The following TTN variants were observed in gnomAD, a reference collection of about 807,000 sequenced individuals.
TTN encodes connectin.
A neutral mutation model predicts 3,223.0 loss-of-function variants in TTN; 1,525 were observed. That is an observed-to-expected ratio of 0.47 (90% CI 0.45 to 0.49). The LOEUF is 0.49. Among genes scored for constraint, TTN ranks in the 20% least tolerant of loss-of-function variants. The probability of loss-of-function intolerance (pLI) is 0.00; values close to 1 mark genes in which losing one functional copy is unlikely to be tolerated. For synonymous variants in TTN, 14,094 were observed against 15,161.0 expected (o/e 0.93, Z 5.17); for missense variants, 40,786 against 43,424.0 (o/e 0.94, Z 5.40).
intron 361 of TTN, 82 bp from the exon 362 acceptor site, chr2:178,527,830 A>G: frequency 7.6e-7 from 1 of 1,311,626 alleles, no homozygotes; most frequent in Non-Finnish European, 1.0e-6. Flanking sequence ...ACAGAAATGG[A>G]AACTTCAACA....
chr2:178,632,763 T>G lies in TTN; in HGVS notation c.43243A>C (p.Ser14415Arg), dbSNP rs770940545. The change falls in exon 235 of 363, where the codon AGT (serine) becomes CGT (arginine). Residue 14415 changes from serine (S) to arginine (R), a missense_variant. By Grantham distance (110) the Ser-to-Arg change is moderately radical. Coordinates refer to ENST00000589042, the MANE Select transcript of TTN (RefSeq NM_001267550.2). ...TCTTTCTCGAAGACTTTAACATCACTGAGAGGTGTGATGAAGATAAGAGGC... is the reference window on the plus strand; with the variant it reads ...TCTTTCTCGAAGACTTTAACATCACGGAGAGGTGTGATGAAGATAAGAGGC... ...ELPLIFITPL[S>R]DVKVFEKDEA... 1 of 1,613,032 alleles carries G rather than the reference T, an allele frequency of 6.2e-7. No homozygotes were observed. The highest frequency in any genetic ancestry group is 8.5e-7 in the Non-Finnish European group (1 of 1,179,502).
chr2:178,550,983 C>T lies in TTN; in HGVS notation c.91548G>A (p.Met30516Ile). ...AATGCTTACCATTTTCATCTCTTGT[C>T]ATAATAATGCCAGAAGACTGTGAGG... ...SPPSQSSGII[M>I]TRDENVPPIV... The change falls in exon 336 of 363, where the codon ATG (methionine) becomes ATA (isoleucine). Residue 30516 changes from methionine (M) to isoleucine (I), a missense_variant. Physicochemically the swap from Met to Ile is conservative, Grantham distance 10. Transcript: ENST00000589042. The T allele has an allele frequency of 6.2e-7, 1 of 1,612,852 alleles. No individual in the cohort carries two copies. Among genetic ancestry groups the T allele is most frequent in the East Asian group, 2.2e-5 (1 of 44,760 alleles).
At chr2:178,705,396 T>A (rs1412167238) in intron 102 of TTN, 39 bp from the exon 103 acceptor site, 1 of 1,401,888 alleles carries the variant, frequency 7.1e-7, no homozygotes, top group East Asian at 2.5e-5. Context: ...AACACCTGTC[T>A]TCTACTTATT....
In TTN at chr2:178,594,096, T is replaced by C; in HGVS notation, c.58297A>G (p.Thr19433Ala). 3 of 1,613,402 alleles carry C rather than the reference T, an allele frequency of 1.9e-6. No homozygotes were observed. The highest frequency in any genetic ancestry group is 2.5e-6 in the Non-Finnish European group (3 of 1,179,614). ...DEADVLEDDR[T>A]HIKTTPATLA... ...GTTGCTGGTGTAGTCTTTATATGAG[T>C]GCGATCATCTTCCAGCACATCAGCT... Residue 19433 changes from threonine (T) to alanine (A), a missense_variant, in exon 297 of 363, where the codon ACT (threonine) becomes GCT (alanine). Coordinates refer to ENST00000589042, the MANE Select transcript of TTN (RefSeq NM_001267550.2).
chr2:178,776,880 T>G lies in TTN; in HGVS notation c.4984A>C (p.Ile1662Leu). The G allele has an allele frequency of 6.2e-7, 1 of 1,612,846 alleles. No individual in the cohort carries two copies. ...TTTGCTCTATATGTCCCCCGTGGGA[T>G]GATTAACTTTCTCTCTGGCTCAGGC... ...AEPEPERKLI[I>L]PRGTYRAKEI... The change falls in exon 28 of 363, where the codon ATC becomes CTC. Residue 1662 changes from isoleucine (I) to leucine (L), a missense_variant. By Grantham distance (5) the Ile-to-Leu change is conservative. Transcript: ENST00000589042.
chr2:178,719,938 G>A, intron 81 of TTN, 45 bp downstream of exon 81: 1 of 1,547,776 alleles, frequency 6.5e-7, no homozygotes, highest in Non-Finnish European at 8.7e-7. Context: ...AATGATCATG[G>A]ATCAAGTAAA....
chr2:178,799,545 T>C lies in TTN; in HGVS notation c.856A>G (p.Ile286Val). 1 of 1,614,142 alleles carries C rather than the reference T, an allele frequency of 6.2e-7. No homozygotes were observed. Among genetic ancestry groups the C allele is most frequent in the African/African-American group, 1.3e-5 (1 of 75,046 alleles). The change falls in exon 6 of 363, where the codon ATA (isoleucine) becomes GTA (valine). Residue 286 changes from isoleucine to valine, a missense_variant. Ile to Val is a conservative substitution (Grantham distance 29, BLOSUM62 3). Transcript: ENST00000589042. The part of the protein sequence containing the change: ...QLARQQSPSP[I>V]RHSPSPVRHV... ...CTGACCGGGGAAGGGGAGTGTCTTATGGGCGATGGGGACTGCTGCCGAGCC... is the reference window on the plus strand; with the variant it reads ...CTGACCGGGGAAGGGGAGTGTCTTACGGGCGATGGGGACTGCTGCCGAGCC...
chr2:178,567,407 A>G lies in TTN; in HGVS notation c.78725T>C (p.Ile26242Thr). The G allele has an allele frequency of 6.2e-7, 1 of 1,603,334 alleles. No individual in the cohort carries two copies. The highest frequency in any genetic ancestry group is 8.5e-7 in the Non-Finnish European group (1 of 1,175,580). Residue 26242 changes from isoleucine to threonine, a missense_variant, in exon 326 of 363, where the codon ATA becomes ACA. Transcript: ENST00000589042. ...TAAAGCCTTGAAATCTGTGTTCTTT[A>G]TTTCACATCTAGCAGATTCTTCAAT... The part of the protein sequence containing the change: ...KEIEESARCE[I>T]KNTDFKALLI...
chr2:178,589,988 G>A lies in TTN; in HGVS notation c.61737C>T (p.Thr20579=), dbSNP rs758258340. The A allele has an allele frequency of 6.2e-7, 1 of 1,613,118 alleles. No homozygotes were observed. Among genetic ancestry groups the A allele is most frequent in the South Asian group, 1.1e-5 (1 of 91,060 alleles). ...RPGPCQNLKV[T]NVTKENCTIS... ...TTGTACAGTTCTCTTTGGTTACATTGGTAACCTTCAAATTCTGGCAAGGCC... is the reference window on the plus strand; with the variant it reads ...TTGTACAGTTCTCTTTGGTTACATTAGTAACCTTCAAATTCTGGCAAGGCC... Residue 20579 remains threonine (T), a synonymous_variant, in exon 304 of 363, where the codon ACC becomes ACT. Coordinates refer to ENST00000589042, the MANE Select transcript of TTN (RefSeq NM_001267550.2).
chr2:178,749,617 A>G, intron 47 of TTN: 1 of 1,611,958 alleles, frequency 6.2e-7, no homozygotes, highest in Non-Finnish European at 8.5e-7. Context: ...TTTCACCAAT[A>G]TTTTCGAATT....
chr2:178,787,037 CA>C (rs2093234017), intron 13 of TTN, among the ~76,000 whole-genome samples: 1 of 152,052 alleles, frequency 6.6e-6, no homozygotes. Flanking sequence ...CAGCATACCT[CA>C]AAAATCACAT....
In TTN at chr2:178,545,683, T is replaced by C. The variant is rs1195188657; in HGVS notation, c.95427A>G (p.Ser31809=). ...IVARNSFTIP[S]PPGIPEEVGT... ...CAACTTCTTCAGGTATGCCGGGTGG[T>C]GATGGAATAGCTGTTTATGAAAATA... Residue 31809 remains serine (S), a synonymous_variant, in exon 344 of 363, where the codon TCA becomes TCG. Coordinates refer to ENST00000589042, the MANE Select transcript of TTN (RefSeq NM_001267550.2). 6.2e-7 allele frequency: 1 copy of C among 1,612,670 alleles called. No homozygotes were observed. The highest frequency in any genetic ancestry group is 8.5e-7 in the Non-Finnish European group (1 of 1,178,988).
In TTN at chr2:178,782,937, TG is replaced by T. The variant is rs2092907170; in HGVS notation, c.2968del (p.Gln990ArgfsTer2). ...AGCAATTCCACTCTGGAAGGTTATC[TG>T]GAAGTCAATGGAACTTTCGATTTGG... ...DYQIESSIDF[Q>X]ITFQSGIARL... On this transcript the variant is annotated frameshift_variant, in exon 18 of 363. Coordinates refer to ENST00000589042, the MANE Select transcript of TTN (RefSeq NM_001267550.2). LOFTEE classifies it high-confidence loss of function. 1 of 1,614,072 alleles carries T rather than the reference TG, an allele frequency of 6.2e-7. No individual in the cohort carries two copies. The highest frequency in any genetic ancestry group is 1.3e-5 in the African/African-American group (1 of 74,938).
At chr2:178,751,346 C>T (rs149590569) in intron 47 of TTN, 4 of 1,606,374 alleles carry the variant, frequency 2.5e-6, no homozygotes, top group African/African-American at 1.3e-5. Context: ...ATTAAGCCAA[C>T]CTCTTATGTC....
At chr2:178,610,878 T>G in intron 270 of TTN, 115 bp downstream of exon 270, 3 of 1,275,106 alleles carry the variant, frequency 2.4e-6, no homozygotes, top group Non-Finnish European at 3.3e-6. Context: ...AGAAGTGACA[T>G]TTAGTTTACA....
At position 178,629,394 on chromosome 2, in the gene TTN, T is replaced by C. The variant is rs1316025017; in HGVS notation, c.44331A>G (p.Ala14777=). ...CGCAGTCGAAGGTGGCTGTTTCCCC[T>C]GCAGTCACGGTGACATCCTTTAAAG... ...LRPLKDVTVT[A]GETATFDCEL... The change falls in exon 240 of 363, where the codon GCA becomes GCG. Residue 14777 remains alanine (A), a synonymous_variant. Coordinates refer to ENST00000589042, the MANE Select transcript of TTN (RefSeq NM_001267550.2). 1.2e-6 allele frequency: 2 copies of C among 1,613,056 alleles called. No individual in the cohort carries two copies. The highest frequency in any genetic ancestry group is 3.3e-5 in the Admixed American group (2 of 59,988).
chr2:178,612,926 C>T lies in TTN; in HGVS notation c.49795G>A (p.Val16599Ile), dbSNP rs1553699620. 2.5e-6 allele frequency: 4 copies of T among 1,612,722 alleles called. No individual in the cohort carries two copies. The highest frequency in any genetic ancestry group is 3.4e-6 in the Non-Finnish European group (4 of 1,179,270). Residue 16599 changes from valine to isoleucine, a missense_variant, in exon 265 of 363, where the codon GTC becomes ATC. Transcript: ENST00000589042. ...EMLKTGTDEW[V>I]RVAEGVPTTQ... ...GTGGGAACCCCTTCCGCCACTCTGA[C>T]CCACTCATCTGTTCCAGTCTTCAGC...
intron 258 of TTN, 24 bp from the exon 259 acceptor site, chr2:178,615,508 C>T: frequency 1.2e-6 from 2 of 1,607,628 alleles, no homozygotes; most frequent in Non-Finnish European, 1.7e-6. Flanking sequence ...AAGAGAGAGT[C>T]AGTCTTACAC....
intron 344 of TTN, among the ~76,000 whole-genome samples, chr2:178,545,000 G>T (rs1422176858): frequency 6.6e-6 from 1 of 152,106 alleles, no homozygotes; most frequent in East Asian, 1.9e-4. Flanking sequence ...CAATTACTTT[G>T]TCAGTAACTT....
Sources: gnomAD v4.1 joint callset for allele counts (sites outside exome capture counted in the v4.1 genomes callset) on GRCh38, gnomAD v4.1.1 for gene constraint, MANE v1.5 for transcripts, NCBI Gene and HGNC (gene_info 2026-07-23, HGNC 2026-07-21) for gene names.